The following TMEM209 variants were observed in gnomAD, a reference collection of about 807,000 sequenced individuals.
The protein encoded by TMEM209 is transmembrane protein 209, also known as testicular tissue protein Li 202.
A neutral mutation model predicts 76.2 loss-of-function variants in TMEM209; 65 were observed. That is an observed-to-expected ratio of 0.85 (90% CI 0.70 to 1.05). The LOEUF (loss-of-function observed/expected upper bound fraction) is 1.05, where lower values mean the gene tolerates loss of function less well. Ranked by LOEUF, TMEM209 falls within the 50% of genes least tolerant of loss-of-function variation. The pLI is 0.00. For missense variants in TMEM209, 623 were observed against 685.5 expected, an observed-to-expected ratio of 0.91 and a Z score of 1.02; for synonymous variants, 239 against 237.6, an observed-to-expected ratio of 1.01 and a Z score of -0.06.
intron 5 of TMEM209, among the ~76,000 whole-genome samples, chr7:130,199,172 C>T (rs1037876343): frequency 6.6e-6 from 1 of 152,102 alleles, no homozygotes; most frequent in African/African-American, 2.4e-5. Context: ...GTTAATACTA[C>T]CACCTTATTT....
chr7:130,178,626 A>G, intron 9 of TMEM209, 99 bp from the exon 10 acceptor site: 1 of 1,414,548 alleles, frequency 7.1e-7, no homozygotes, highest in Non-Finnish European at 9.6e-7. Context: ...CTGGTTCCTC[A>G]CTACCTTCAG....
chr7:130,184,233 T>C lies in TMEM209; in HGVS notation c.974A>G (p.Asn325Ser), dbSNP rs942687538. 1.2e-6 allele frequency: 2 copies of C among 1,607,868 alleles called. No individual in the cohort carries two copies. Among genetic ancestry groups the C allele is most frequent in the African/African-American group, 2.7e-5 (2 of 74,826 alleles). ...ATCCATATGATCAAGAAGTTGTCTATTCATAGCCACTCTTGCCCAGACCTA... is the reference window on the plus strand; with the variant it reads ...ATCCATATGATCAAGAAGTTGTCTACTCATAGCCACTCTTGCCCAGACCTA... ...AEEVWARVAM[N>S]RQLLDHMDSW... Residue 325 changes from asparagine to serine, a missense_variant, in exon 8 of 15, where the codon AAT (asparagine) becomes AGT (serine). Transcript: ENST00000397622.
Position 130,185,378 on chromosome 7 carries a change from T to C in TMEM209, c.776-11A>G. On this transcript the variant is annotated splice_polypyrimidine_tract_variant and intron_variant, in intron 6 of 14. Coordinates refer to ENST00000397622, the MANE Select transcript of TMEM209 (RefSeq NM_032842.4). ...TAGAATCTGGGCTCCCTACAATTGTTAAGATAAACAGTATCAGTGTGTTGT... is the reference window on the plus strand; with the variant it reads ...TAGAATCTGGGCTCCCTACAATTGTCAAGATAAACAGTATCAGTGTGTTGT... 1 of 1,612,052 alleles carries C rather than the reference T, an allele frequency of 6.2e-7. No individual in the cohort carries two copies. Among genetic ancestry groups the C allele is most frequent in the South Asian group, 1.1e-5 (1 of 90,974 alleles).
chr7:130,201,703 T>C (rs772984209), intron 5 of TMEM209, 147 bp downstream of exon 5: 5 of 975,770 alleles, frequency 5.1e-6, no homozygotes, highest in South Asian at 3.5e-5. Flanking sequence ...GTTTAAGATA[T>C]TATGTTCTAT....
chr7:130,176,811 T>A (rs771971481), intron 10 of TMEM209, among the ~76,000 whole-genome samples: 2 of 152,280 alleles, frequency 1.3e-5, no homozygotes, highest in Non-Finnish European at 1.5e-5. Context: ...TGCATTTTTA[T>A]GAGATAGCTG....
rs1433442923 is a variant in TMEM209 at position 130,185,345 on chromosome 7, A to C, written c.798T>G (p.Pro266=). The part of the protein sequence containing the change: ...VKLGSPDSTS[P]SSSPTFWNYS... The stretch of plus-strand genomic sequence containing the variant: ...AGTTCCAGAAAGTAGGACTGCTGGA[A>C]GGAGAGGTAGAATCTGGGCTCCCTA... Residue 266 remains proline, a synonymous_variant, in exon 7 of 15, where the codon CCT becomes CCG. Coordinates refer to ENST00000397622, the MANE Select transcript of TMEM209 (RefSeq NM_032842.4). The C allele has an allele frequency of 1.2e-6, 2 of 1,613,820 alleles. No individual in the cohort carries two copies. The highest frequency in any genetic ancestry group is 2.2e-5 in the East Asian group (1 of 44,880).
chr7:130,169,739 CT>C (rs966855409), intron 14 of TMEM209, among the ~76,000 whole-genome samples: 30 of 148,132 alleles, frequency 2.0e-4, no homozygotes, highest in East Asian at 3.9e-4. Context: ...CCCATCCCCC[CT>C]TTTTTTTTTG....
intron 5 of TMEM209, among the ~76,000 whole-genome samples, chr7:130,198,553 G>T (rs1028489955): frequency 6.6e-6 from 1 of 151,822 alleles, no homozygotes; most frequent in African/African-American, 2.4e-5. Flanking sequence ...AGACGCTGCA[G>T]TGAGCCGAGA....
At chr7:130,183,084 T>C (rs1797478533) in intron 8 of TMEM209, among the ~76,000 whole-genome samples, 1 of 152,238 alleles carries the variant, frequency 6.6e-6, no homozygotes, top group African/African-American at 2.4e-5. Flanking sequence ...GAAATGTATT[T>C]GTATTTCTTC....
intron 13 of TMEM209, 51 bp from the exon 14 acceptor site, chr7:130,170,524 A>T: frequency 7.0e-7 from 1 of 1,428,764 alleles, no homozygotes. Context: ...AAAAGATTCA[A>T]TCTGGTAGGT....
At chr7:130,193,185 T>C (rs1797858083) in intron 5 of TMEM209, among the ~76,000 whole-genome samples, 1 of 152,226 alleles carries the variant, frequency 6.6e-6, no homozygotes, top group Admixed American at 6.5e-5. Flanking sequence ...GCAACCAAGA[T>C]GCCCTTCAGT....
chr7:130,203,632 G>A (rs1798301251), intron 3 of TMEM209, among the ~76,000 whole-genome samples, 156 bp downstream of exon 3: 1 of 152,140 alleles, frequency 6.6e-6, no homozygotes, highest in South Asian at 2.1e-4. Context: ...TAATAGCAGG[G>A]ATTTACCTTG....
chr7:130,174,943 C>G (rs952431715), intron 11 of TMEM209, among the ~76,000 whole-genome samples: 1 of 151,130 alleles, frequency 6.6e-6, no homozygotes, highest in African/African-American at 2.4e-5. Flanking sequence ...GGAAAAAAAG[C>G]AGAATACATA....
intron 14 of TMEM209, 28 bp from the exon 15 acceptor site, chr7:130,166,533 G>A: frequency 2.7e-6 from 4 of 1,455,538 alleles, no homozygotes; most frequent in Non-Finnish European, 3.7e-6. Flanking sequence ...ATTTTTATTA[G>A]AATTGGTTGC....
At chr7:130,194,123 C>A (rs532800450) in intron 5 of TMEM209, among the ~76,000 whole-genome samples, 30 of 151,266 alleles carry the variant, frequency 2.0e-4, no homozygotes, top group Admixed American at 1.7e-3. Flanking sequence ...GGCAGGAATC[C>A]GGGAGGCGGA....
intron 10 of TMEM209, among the ~76,000 whole-genome samples, chr7:130,176,538 C>A (rs1448014474): frequency 6.6e-6 from 1 of 152,070 alleles, no homozygotes; most frequent in Admixed American, 6.5e-5. Context: ...CTGCTAACTA[C>A]AAGGCAATCT....
intron 5 of TMEM209, among the ~76,000 whole-genome samples, chr7:130,201,079 ACT>A (rs1437747839): frequency 1.8e-5 from 2 of 109,646 alleles, no homozygotes; most frequent in Admixed American, 2.2e-4. Context: ...ACAGAGCGAG[ACT>A]CTGTCTCAAA....
Position 130,185,497 on chromosome 7 carries a change from A to G in TMEM209, c.776-130T>C, listed in dbSNP as rs572750716. On this transcript the variant is annotated intron_variant, in intron 6 of 14. Coordinates refer to ENST00000397622, the MANE Select transcript of TMEM209 (RefSeq NM_032842.4). The stretch of plus-strand genomic sequence containing the variant: ...CCTCAAGGAGATTCTCTTCTCCCCA[A>G]CATAATTTTCTCTTTAGAGATCACA... The G allele has an allele frequency of 2.4e-5, 18 of 765,664 alleles. No individual in the cohort carries two copies. In the African/African-American group the frequency reaches 2.8e-4, roughly 12 times the overall value. 47.4% of individuals were successfully genotyped at this position (765,664 alleles called of 1,614,324 possible). A position where few individuals can be genotyped will look rare whatever the true frequency, so the allele number is the denominator to read the frequency against.
Position 130,202,111 on chromosome 7 carries a change from A to G in TMEM209, c.332-20T>C. 1.3e-6 allele frequency: 2 copies of G among 1,593,510 alleles called. No individual in the cohort carries two copies. The highest frequency in any genetic ancestry group is 1.7e-6 in the Non-Finnish European group (2 of 1,168,014). On this transcript the variant is annotated intron_variant, in intron 4 of 14. Transcript: ENST00000397622. ...GTACAACTAGAAGGAAAAAAAAAGC[A>G]ACATATGTGTATGTACCTTCAAATA...
Sources: gnomAD v4.1 joint callset for allele counts (sites outside exome capture counted in the v4.1 genomes callset) on GRCh38, gnomAD v4.1.1 for gene constraint, MANE v1.5 for transcripts, NCBI Gene and HGNC (gene_info 2026-07-23, HGNC 2026-07-21) for gene names.